Variants in ANK3 observed in about 807,000 individuals in gnomAD.
ANK3 encodes ankyrin-3.
A neutral mutation model predicts 370.9 loss-of-function variants in ANK3; 57 were observed. The observed-to-expected ratio is 0.15, with a 90% confidence interval of 0.12 to 0.19. The LOEUF is 0.19. Ranked by LOEUF, ANK3 falls within the 10% of genes least tolerant of loss-of-function variation. The pLI is 1.00. For missense variants in ANK3, 4,439 were observed against 5,302.1 expected (o/e 0.84, Z 5.06); for synonymous variants, 1,929 against 1,946.3 (o/e 0.99, Z 0.23).
At chr10:60,555,231 G>A (rs1300740280) in intron 2 of ANK3, among the ~76,000 whole-genome samples, 4 of 152,138 alleles carry the variant, frequency 2.6e-5, no homozygotes, top group Non-Finnish European at 5.9e-5. Context: ...TAGTATATTG[G>A]GAGGCTGAGG....
chr10:60,539,434 G>C (rs1461052091), intron 2 of ANK3, among the ~76,000 whole-genome samples: 1 of 151,900 alleles, frequency 6.6e-6, no homozygotes, highest in African/African-American at 2.4e-5. Flanking sequence ...GCAAAGACAT[G>C]AGTTCTAGAA....
chr10:60,343,989 G>A (rs1476137211), intron 1 of ANK3, among the ~76,000 whole-genome samples: 2 of 152,168 alleles, frequency 1.3e-5, no homozygotes, highest in Non-Finnish European at 2.9e-5. Context: ...CATGGACCTG[G>A]GCCTATATTT....
At chr10:60,677,002 T>C (rs1189560188) in intron 1 of ANK3, among the ~76,000 whole-genome samples, 1 of 152,198 alleles carries the variant, frequency 6.6e-6, no homozygotes, top group Non-Finnish European at 1.5e-5. Flanking sequence ...ACCACATGTA[T>C]CACATATGTA....
At chr10:60,610,668 T>A (rs1374394486) in intron 2 of ANK3, among the ~76,000 whole-genome samples, 1 of 143,258 alleles carries the variant, frequency 7.0e-6, no homozygotes, top group Non-Finnish European at 1.5e-5. Context: ...GGGCAAATAA[T>A]ATCCTCACCA....
intron 2 of ANK3, among the ~76,000 whole-genome samples, chr10:60,561,776 C>A (rs939052687): frequency 6.6e-6 from 1 of 152,216 alleles, no homozygotes; most frequent in African/African-American, 2.4e-5. Context: ...GCAGTGTCTT[C>A]TCTCCAGAGT....
intron 17 of ANK3, 29 bp from the exon 18 acceptor site, chr10:60,181,456 C>G: frequency 3.8e-6 from 6 of 1,595,210 alleles, no homozygotes; most frequent in Non-Finnish European, 5.2e-6. Context: ...GCACAGTCAT[C>G]GTACAGGAAG....
chr10:60,442,817 G>T (rs985439395), intron 2 of ANK3, among the ~76,000 whole-genome samples: 3 of 152,202 alleles, frequency 2.0e-5, no homozygotes, highest in Non-Finnish European at 1.5e-5. Context: ...TGCAGCAGTT[G>T]TTGTTATCCC....
intron 16 of ANK3, among the ~76,000 whole-genome samples, chr10:60,194,254 A>T (rs1321438640): frequency 6.6e-6 from 1 of 152,264 alleles, no homozygotes; most frequent in Non-Finnish European, 1.5e-5. Flanking sequence ...TAAAATACAC[A>T]TAACAAAATT....
At chr10:60,729,621 C>A (rs545546960) in intron 1 of ANK3, among the ~76,000 whole-genome samples, 3 of 152,194 alleles carry the variant, frequency 2.0e-5, no homozygotes, top group South Asian at 4.1e-4. Context: ...ATCATCTGAT[C>A]AAAAAACACC....
intron 2 of ANK3, among the ~76,000 whole-genome samples, chr10:60,577,235 C>T (rs966486684): frequency 2.6e-5 from 4 of 152,174 alleles, no homozygotes; most frequent in African/African-American, 9.7e-5. Context: ...AGTTCCACCA[C>T]ATCCACCAGT....
At chr10:60,703,452 T>C (rs1229288625) in intron 1 of ANK3, among the ~76,000 whole-genome samples, 1 of 152,122 alleles carries the variant, frequency 6.6e-6, no homozygotes, top group Admixed American at 6.6e-5. Context: ...TAGTGACAGG[T>C]AGATGGGAGT....
intron 25 of ANK3, among the ~76,000 whole-genome samples, chr10:60,133,129 C>T (rs374817905): frequency 5.0e-4 from 76 of 152,308 alleles, no homozygotes; most frequent in Middle Eastern, 3.4e-3. Flanking sequence ...TATTGCTTAA[C>T]TTCTAACTTG....
intron 2 of ANK3, among the ~76,000 whole-genome samples, chr10:60,429,900 A>G: frequency 6.6e-6 from 1 of 152,154 alleles, no homozygotes; most frequent in Non-Finnish European, 1.5e-5. Flanking sequence ...AATACAAACC[A>G]TTACTTTGAT....
intron 9 of ANK3, among the ~76,000 whole-genome samples, chr10:60,212,859 A>C (rs2096878101): frequency 6.6e-6 from 1 of 152,094 alleles, no homozygotes; most frequent in Non-Finnish European, 1.5e-5. Context: ...ATGATGTCAA[A>C]TGGTTTTACT....
intron 36 of ANK3, 140 bp from the exon 37 acceptor site, chr10:60,076,588 T>A: frequency 8.8e-7 from 1 of 1,142,842 alleles, no homozygotes; most frequent in Non-Finnish European, 1.2e-6. Flanking sequence ...TGATTTAGAA[T>A]GGAAGAGGCA....
At chr10:60,315,693 A>G (rs2047259573) in intron 1 of ANK3, among the ~76,000 whole-genome samples, 1 of 152,104 alleles carries the variant, frequency 6.6e-6, no homozygotes, top group Non-Finnish European at 1.5e-5. Context: ...TTTTTTTTCC[A>G]CAGGATTTGG....
chr10:60,414,508 CA>C (rs1409197597), intron 2 of ANK3, among the ~76,000 whole-genome samples: 1 of 151,836 alleles, frequency 6.6e-6, no homozygotes, highest in Admixed American at 6.6e-5. Context: ...AATTACAAAA[CA>C]AAAAAGGTGG....
At chr10:60,658,479 C>A (rs1588984078) in intron 1 of ANK3, among the ~76,000 whole-genome samples, 1 of 151,952 alleles carries the variant, frequency 6.6e-6, no homozygotes, top group East Asian at 1.9e-4. Context: ...GACCTCCCCC[C>A]ACACACATCC....
intron 23 of ANK3, among the ~76,000 whole-genome samples, chr10:60,162,050 T>C (rs2095514133): frequency 6.6e-6 from 1 of 152,154 alleles, no homozygotes; most frequent in Admixed American, 6.6e-5. Context: ...TATGTATCCA[T>C]TATTACAAAT....
Sources: gnomAD v4.1 joint callset for allele counts (sites outside exome capture counted in the v4.1 genomes callset) on GRCh38, gnomAD v4.1.1 for gene constraint, MANE v1.5 for transcripts, NCBI Gene and HGNC (gene_info 2026-07-23, HGNC 2026-07-21) for gene names.